Variants in TTC23L observed in about 807,000 individuals in gnomAD.
TTC23L encodes the protein tetratricopeptide repeat domain 23 like.
TTC23L carries 42 observed loss-of-function variants against 48.1 expected under a neutral mutation model. The observed-to-expected ratio is 0.87, with a 90% CI of 0.68 to 1.13. The LOEUF (loss-of-function observed/expected upper bound fraction) is 1.13. TTC23L is among the 50% of genes most tolerant of loss of function. The pLI, the probability that TTC23L is intolerant of heterozygous loss-of-function variation, is 0.00. For synonymous variants in TTC23L, 159 were observed against 157.2 expected, an observed-to-expected ratio of 1.01 and a Z score of -0.09; for missense variants, 391 against 421.0, an observed-to-expected ratio of 0.93 and a Z score of 0.62.
chr5:34,864,444 G>A, exon 6 of TTC23L: 2 of 1,613,686 alleles, frequency 1.2e-6, no homozygotes, highest in Non-Finnish European at 1.7e-6. Context: ...CACTGGCAGA[G>A]AAGCCTATTT....
At chr5:34,924,754 T>C in the TTC23L span, 1 of 736,530 alleles carries the variant, frequency 1.4e-6, no homozygotes, top group Non-Finnish European at 2.2e-6. Context: ...GATTATCAAT[T>C]ATTTCAGGCA....
intron 9 of TTC23L, among the ~76,000 whole-genome samples, chr5:34,881,541 G>A (rs1282764764): frequency 2.0e-5 from 3 of 152,098 alleles, no homozygotes; most frequent in East Asian, 1.9e-4. Context: ...TGGTCTTATT[G>A]GCCATGTAAA....
At chr5:34,910,135 G>C in the TTC23L span, among the ~76,000 whole-genome samples, 1 of 152,010 alleles carries the variant, frequency 6.6e-6, no homozygotes, top group Non-Finnish European at 1.5e-5. Context: ...CCACTCCCTA[G>C]TGTCGCAGGT....
At chr5:34,864,322 C>A in intron 5 of TTC23L, 115 bp from the exon 6 acceptor site, 2 of 1,262,074 alleles carry the variant, frequency 1.6e-6, no homozygotes, top group Admixed American at 2.4e-5. Context: ...TAGTTAAGTA[C>A]CCATTTTTAA....
Position 34,852,237 on chromosome 5 carries a change from T to G in TTC23L, c.379+1929T>G, listed in dbSNP as rs114321055. On this transcript the variant is annotated intron_variant, in intron 4 of 10. Coordinates refer to ENST00000505624, the Ensembl canonical transcript of TTC23L. The stretch of plus-strand genomic sequence containing the variant: ...GAGAGTACAAAGTTGGTCCTTTATA[T>G]ATGTTGATCTAAGGCATAGGAAGTG... Among the ~76,000 whole-genome samples the G allele has an allele frequency of 7.9e-3, 1,208 of 152,092 alleles. 14 individuals carry two copies. Among genetic ancestry groups the G allele is most frequent in the African/African-American group, 0.025 (1,047 of 41,462 alleles).
intron 6 of TTC23L, 120 bp downstream of exon 6, chr5:34,864,682 C>T: frequency 7.8e-7 from 1 of 1,278,248 alleles, no homozygotes; most frequent in Non-Finnish European, 1.0e-6. Context: ...ATAAAAGAGG[C>T]TCATATTTAC....
At chr5:34,911,806 A>G in the TTC23L span, 3 of 1,614,094 alleles carry the variant, frequency 1.9e-6, no homozygotes, top group Non-Finnish European at 1.7e-6. Flanking sequence ...AAGTGCAGTT[A>G]AAGTCCCTGC....
At chr5:34,846,871 G>A (rs896239428) in intron 3 of TTC23L, among the ~76,000 whole-genome samples, 2 of 151,964 alleles carry the variant, frequency 1.3e-5, no homozygotes, top group African/African-American at 2.4e-5. Flanking sequence ...ACAAACCAAA[G>A]GGCCAGAAAC....
intron 4 of TTC23L, among the ~76,000 whole-genome samples, chr5:34,858,888 T>G (rs142353416): frequency 1.3e-5 from 2 of 152,312 alleles, no homozygotes; most frequent in East Asian, 3.9e-4. Context: ...TGGCTCAGCT[T>G]TTCCATCAGA....
chr5:34,877,751 C>G (rs1761958716), intron 8 of TTC23L, among the ~76,000 whole-genome samples: 1 of 152,234 alleles, frequency 6.6e-6, no homozygotes, highest in East Asian at 1.9e-4. Flanking sequence ...TGGTGAAAAA[C>G]TAGAAGCTTT....
At chr5:34,844,731 G>T (rs1758971579) in intron 2 of TTC23L, among the ~76,000 whole-genome samples, 1 of 152,172 alleles carries the variant, frequency 6.6e-6, no homozygotes, top group African/African-American at 2.4e-5. Context: ...TTGCTCCTAA[G>T]ATCTCAAAAT....
At chr5:34,919,861 A>G in the TTC23L span, 1 of 1,195,066 alleles carries the variant, frequency 8.4e-7, no homozygotes, top group Admixed American at 2.2e-5. Flanking sequence ...GATCGTAAGG[A>G]TAAGCTATTT....
intron 4 of TTC23L, among the ~76,000 whole-genome samples, chr5:34,853,572 T>C (rs1157266783): frequency 1.3e-5 from 2 of 151,738 alleles, no homozygotes; most frequent in East Asian, 1.9e-4. Context: ...GACTGAAGAC[T>C]GGAGAGCAAG....
At chr5:34,911,535 C>T in the TTC23L span, 1 of 1,612,972 alleles carries the variant, frequency 6.2e-7, no homozygotes, top group Non-Finnish European at 8.5e-7. Flanking sequence ...TTAACTATAA[C>T]TGCACTGCTC....
At position 34,858,001 on chromosome 5, in the gene TTC23L, A is replaced by G. The variant is rs533723572; in HGVS notation, c.380-4897A>G. Among the ~76,000 whole-genome samples the G allele has an allele frequency of 2.0e-5, 3 of 152,346 alleles. No homozygotes were observed. The South Asian group carries it at 6.2e-4, about 32-fold the overall frequency. ...CTCTGAGCAGATTTTCTCTGGCCTGAGTCAGTGTAGCAGAATCGATGATAG... is the reference window on the plus strand; with the variant it reads ...CTCTGAGCAGATTTTCTCTGGCCTGGGTCAGTGTAGCAGAATCGATGATAG... On this transcript the variant is annotated intron_variant, in intron 4 of 10. Coordinates refer to ENST00000505624, the Ensembl canonical transcript of TTC23L.
chr5:34,893,787 G>A (rs1026331956), intron 9 of TTC23L, among the ~76,000 whole-genome samples: 26 of 115,800 alleles, frequency 2.2e-4, no homozygotes, highest in African/African-American at 7.0e-4. Context: ...TTGAGAATTA[G>A]GAGAGTCAGG....
At chr5:34,914,091 C>G in the TTC23L span, 1 of 427,588 alleles carries the variant, frequency 2.3e-6, no homozygotes, top group South Asian at 1.6e-5. Flanking sequence ...TGTGCACTTA[C>G]GTGTTAAAAA....
In TTC23L at chr5:34,864,435, A is replaced by G; in HGVS notation, c.537-2A>G. On this transcript the variant is annotated splice_acceptor_variant, in intron 5 of 10. Transcript: ENST00000505624. LOFTEE classifies it high-confidence loss of function. Reference sequence around the variant, plus strand: ...GCTTGCCATTTTCCTTGACTATTTCACTGGCAGAGAAGCCTATTTCAACCT... The same window carrying G: ...GCTTGCCATTTTCCTTGACTATTTCGCTGGCAGAGAAGCCTATTTCAACCT... 1.2e-6 allele frequency: 2 copies of G among 1,613,540 alleles called. No individual in the cohort carries two copies. The highest frequency in any genetic ancestry group is 1.7e-6 in the Non-Finnish European group (2 of 1,179,688).
chr5:34,919,485 A>C, the TTC23L span, among the ~76,000 whole-genome samples: 3 of 152,166 alleles, frequency 2.0e-5, no homozygotes, highest in Admixed American at 1.3e-4. Flanking sequence ...ACCTAAGATT[A>C]AAAAGTGAAA....
Sources: gnomAD v4.1 joint callset for allele counts (sites outside exome capture counted in the v4.1 genomes callset) on GRCh38, gnomAD v4.1.1 for gene constraint, MANE v1.5 for transcripts, NCBI Gene and HGNC (gene_info 2026-07-23, HGNC 2026-07-21) for gene names.